Variants in TRPC6 observed in about 807,000 individuals in gnomAD.
The protein encoded by TRPC6 is short transient receptor potential channel 6.
TRPC6 carries 55 observed loss-of-function variants against 90.7 expected under a neutral mutation model. That is an observed-to-expected ratio of 0.61 (90% CI 0.49 to 0.76). The LOEUF (loss-of-function observed/expected upper bound fraction) is 0.76. Among genes scored for constraint, TRPC6 ranks in the 30% least tolerant of loss-of-function variants. TRPC6 has a pLI of 0.00. For missense variants in TRPC6, 989 were observed against 1,122.7 expected, an observed-to-expected ratio of 0.88 and a Z score of 1.70; for synonymous variants, 393 against 393.0, an observed-to-expected ratio of 1.00 and a Z score of 0.00.
At chr11:101,491,433 C>CAAA (rs71056610) in intron 3 of TRPC6, 123 bp downstream of exon 3, 57 of 1,119,382 alleles carry the variant, frequency 5.1e-5, no homozygotes, top group Non-Finnish European at 4.6e-5. Context: ...GACTCCATCT[C>CAAA]AAAAAAAAAA....
chr11:101,540,823 A>C (rs771390208), intron 1 of TRPC6, among the ~76,000 whole-genome samples: 1 of 152,208 alleles, frequency 6.6e-6, no homozygotes, highest in African/African-American at 2.4e-5. Flanking sequence ...CTGTTGACTC[A>C]ATTTTGTGAG....
intron 4 of TRPC6, among the ~76,000 whole-genome samples, chr11:101,487,374 T>C (rs542991834): frequency 6.6e-6 from 1 of 152,230 alleles, no homozygotes; most frequent in East Asian, 1.9e-4. Flanking sequence ...GAGGACAATT[T>C]AGAAATGTAT....
intron 10 of TRPC6, among the ~76,000 whole-genome samples, chr11:101,462,671 C>T (rs10895112): frequency 0.31 from 47,028 of 152,070 alleles, 9,439 homozygotes; most frequent in African/African-American, 0.57. Flanking sequence ...CCTGAGACTT[C>T]GCTGAAGTTG....
At chr11:101,543,865 A>G (rs1272297485) in intron 1 of TRPC6, among the ~76,000 whole-genome samples, 2 of 152,226 alleles carry the variant, frequency 1.3e-5, no homozygotes, top group Non-Finnish European at 2.9e-5. Context: ...AATGGCAACA[A>G]AAGCCAAAAA....
Position 101,583,739 on chromosome 11 carries a change from T to G in TRPC6, c.-236A>C. On this transcript the variant is annotated 5_prime_UTR_variant, in exon 1 of 13. The change abolishes the stop of an existing upstream ORF in the 5' untranslated region. Transcript: ENST00000344327. ...CAAAGAGGATCTTGACCTGAGCAGG[T>G]CAGGCCGAGGAGACCCCGCGAGGAT... The G allele has an allele frequency of 2.3e-6, 1 of 429,594 alleles. No individual in the cohort carries two copies. Among genetic ancestry groups the G allele is most frequent in the Non-Finnish European group, 4.0e-6 (1 of 248,832 alleles). 26.6% of individuals were successfully genotyped at this position (429,594 alleles called of 1,614,324 possible). A position where few individuals can be genotyped will look rare whatever the true frequency, so the allele number is the denominator to read the frequency against.
chr11:101,453,684 G>C lies in TRPC6; in HGVS notation c.2610C>G (p.Ala870=). ...CTTCATCACTCTCCTTATCTATCTG[G>C]GCCTGCAGTACATATCTTTTAATGA... ...KRLIKRYVLQ[A]QIDKESDEVN... The change falls in exon 12 of 13, where the codon GCC becomes GCG. Residue 870 remains alanine, a synonymous_variant. Coordinates refer to ENST00000344327, the MANE Select transcript of TRPC6 (RefSeq NM_004621.6). 1 of 1,613,726 alleles carries C rather than the reference G, an allele frequency of 6.2e-7. No homozygotes were observed. The highest frequency in any genetic ancestry group is 1.1e-5 in the South Asian group (1 of 91,060).
intron 10 of TRPC6, among the ~76,000 whole-genome samples, chr11:101,466,843 C>G (rs2136660463): frequency 6.6e-6 from 1 of 152,318 alleles, no homozygotes; most frequent in East Asian, 1.9e-4. Context: ...AAACCCAGGG[C>G]CCTGGTGGAG....
At chr11:101,540,055 G>A (rs990241715) in intron 1 of TRPC6, among the ~76,000 whole-genome samples, 4 of 152,174 alleles carry the variant, frequency 2.6e-5, no homozygotes, top group African/African-American at 2.4e-5. Flanking sequence ...ATAATTGAGC[G>A]AGTTATATAA....
intron 1 of TRPC6, among the ~76,000 whole-genome samples, chr11:101,505,914 G>C (rs1860250643): frequency 6.6e-6 from 1 of 151,364 alleles, no homozygotes; most frequent in Non-Finnish European, 1.5e-5. Context: ...TCAGGAGGCT[G>C]AGGTAGAGTA....
At chr11:101,492,180 T>C (rs1859842878) in intron 2 of TRPC6, among the ~76,000 whole-genome samples, 1 of 152,166 alleles carries the variant, frequency 6.6e-6, no homozygotes, top group Admixed American at 6.5e-5. Flanking sequence ...ATTTATCATA[T>C]ATCAATTGCA....
At chr11:101,454,889 T>C (rs909862532) in intron 11 of TRPC6, 129 bp downstream of exon 11, 1 of 677,930 alleles carries the variant, frequency 1.5e-6, no homozygotes, top group Non-Finnish European at 2.5e-6. Flanking sequence ...TGGTAATTAA[T>C]AAATATTTAT....
Position 101,583,364 on chromosome 11 carries a change from G to A in TRPC6, c.140C>T (p.Pro47Leu), listed in dbSNP as rs780362215. The change falls in exon 1 of 13, where the codon CCG (proline) becomes CTG (leucine). Residue 47 changes from proline (P) to leucine (L), a missense_variant. This residue lies in a region of TRPC6 where 194 missense variants were observed against 136.5 expected (regional missense o/e 1.42). Transcript: ENST00000344327. ...GGGGTAGTAGCCGTAGCAAGGCAGC[G>A]GGGCTTGCGGGCAGCCGTCTTCTCC... ...ELGEDGCPQA[P>L]LPCYGYYPCF... 16 of 1,594,350 alleles carry A rather than the reference G, an allele frequency of 1.0e-5. No homozygotes were observed. The Admixed American group carries it at 2.4e-4, about 24-fold the overall frequency.
At chr11:101,543,216 C>T (rs530411388) in intron 1 of TRPC6, among the ~76,000 whole-genome samples, 1 of 151,966 alleles carries the variant, frequency 6.6e-6, no homozygotes, top group Non-Finnish European at 1.5e-5. Flanking sequence ...TCTAGTTTGG[C>T]AAGCATGTGG....
Position 101,583,747 on chromosome 11 carries a change from A to G in TRPC6, c.-244T>C, listed in dbSNP as rs200535998. The G allele has an allele frequency of 2.4e-6, 1 of 411,778 alleles. No homozygotes were observed. The highest frequency in any genetic ancestry group is 4.2e-6 in the Non-Finnish European group (1 of 236,140). 25.5% of individuals were successfully genotyped at this position (411,778 alleles called of 1,614,324 possible). On this transcript the variant is annotated 5_prime_UTR_variant, in exon 1 of 13. Transcript: ENST00000344327. ...ATCTTGACCTGAGCAGGTCAGGCCG[A>G]GGAGACCCCGCGAGGATGCGTCTGG...
At position 101,474,820 on chromosome 11, in the gene TRPC6, A is replaced by G. The variant is rs112150278; in HGVS notation, c.1745-1047T>C. 1.6e-3 allele frequency among the ~76,000 whole-genome samples: 240 copies of G among 152,264 alleles called. 1 individual carries two copies. Among genetic ancestry groups the G allele is most frequent in the African/African-American group, 5.5e-3 (230 of 41,542 alleles). On this transcript the variant is annotated intron_variant, in intron 6 of 12. Transcript: ENST00000344327. Reference sequence around the variant, plus strand: ...TCTCCTTAAGTACATAACTGGACCAATTTCCATCCCTTAGTCACTTTCTTC... The same window carrying G: ...TCTCCTTAAGTACATAACTGGACCAGTTTCCATCCCTTAGTCACTTTCTTC...
chr11:101,504,088 A>T lies in TRPC6; in HGVS notation c.881T>A (p.Val294Asp). The T allele has an allele frequency of 6.2e-7, 1 of 1,614,070 alleles. No homozygotes were observed. Among genetic ancestry groups the T allele is most frequent in the Non-Finnish European group, 8.5e-7 (1 of 1,179,962 alleles). ...AYLSLSSEDP[V>D]MTALELSNEL... ...ATTGCTAAGTTCTAAAGCCGTCATG[A>T]CTGGATCTTCACTAGACAATGACAG... The change falls in exon 2 of 13, where the codon GTC (valine) becomes GAC (aspartate). Residue 294 changes from valine to aspartate, a missense_variant. This residue lies in a region of TRPC6 where 486 missense variants were observed against 591.9 expected (regional missense o/e 0.82). Coordinates refer to ENST00000344327, the MANE Select transcript of TRPC6 (RefSeq NM_004621.6).
chr11:101,488,879 T>G, intron 4 of TRPC6, 58 bp downstream of exon 4: 1 of 1,595,616 alleles, frequency 6.3e-7, no homozygotes, highest in Non-Finnish European at 8.6e-7. Context: ...GATAAGATTT[T>G]TCCCCACTTA....
chr11:101,503,921 G>A, intron 2 of TRPC6, 103 bp downstream of exon 2: 1 of 1,387,824 alleles, frequency 7.2e-7, no homozygotes, highest in South Asian at 1.2e-5. Context: ...AAATGACCTA[G>A]TGTCCACAGT....
chr11:101,572,581 C>T (rs1300870929), intron 1 of TRPC6, among the ~76,000 whole-genome samples: 1 of 152,150 alleles, frequency 6.6e-6, no homozygotes, highest in Non-Finnish European at 1.5e-5. Context: ...CAGCACTGTT[C>T]ACAATAGCAA....
Sources: gnomAD v4.1 joint callset for allele counts (sites outside exome capture counted in the v4.1 genomes callset) on GRCh38, gnomAD v4.1.1 for gene constraint, gnomAD v4.1.1 regional missense constraint, MANE v1.5 for transcripts, NCBI Gene and HGNC (gene_info 2026-07-23, HGNC 2026-07-21) for gene names.